Variants in PCCA observed in about 807,000 individuals in gnomAD.
The protein encoded by PCCA is propionyl-CoA carboxylase subunit alpha.
In PCCA, 74 loss-of-function variants were observed where a neutral mutation model predicts 101.3. The observed-to-expected ratio is 0.73, with a 90% CI of 0.61 to 0.89. The LOEUF (loss-of-function observed/expected upper bound fraction) is 0.89. PCCA is among the 40% of genes least tolerant of loss of function. The pLI is 0.00. For synonymous variants in PCCA, 294 were observed against 313.6 expected (o/e 0.94, Z 0.66); for missense variants, 891 against 907.0 (o/e 0.98, Z 0.23).
intron 16 of PCCA, among the ~76,000 whole-genome samples, chr13:100,319,205 G>GTAGAT (rs1424626627): frequency 1.3e-5 from 2 of 152,088 alleles, no homozygotes; most frequent in African/African-American, 2.4e-5. Flanking sequence ...TTGTAAATTT[G>GTAGAT]TTTGAGTTCT....
At chr13:100,145,290 G>A (rs1271054465) in intron 4 of PCCA, among the ~76,000 whole-genome samples, 1 of 152,138 alleles carries the variant, frequency 6.6e-6, no homozygotes, top group Non-Finnish European at 1.5e-5. Flanking sequence ...TCTGTCATGG[G>A]CGACTGTCCT....
rs181657253 is a variant in PCCA at position 100,234,036 on chromosome 13, G to A, written c.601-1806G>A. On this transcript the variant is annotated intron_variant, in intron 7 of 23. Transcript: ENST00000376285. The stretch of plus-strand genomic sequence containing the variant: ...CTCAAGTGATGAACTTTTTACAATA[G>A]CAGTTTATTTTCTCTCATCACGTTG... 1.6e-4 allele frequency among the ~76,000 whole-genome samples: 25 copies of A among 152,266 alleles called. No homozygotes were observed. In the East Asian group the frequency reaches 4.4e-3, roughly 27 times the overall value.
chr13:100,232,697 TC>T (rs1453648841), intron 7 of PCCA, among the ~76,000 whole-genome samples: 1 of 152,148 alleles, frequency 6.6e-6, no homozygotes, highest in Non-Finnish European at 1.5e-5. Context: ...GATGTCTTTA[TC>T]CTTAGGTTTA....
chr13:100,133,281 G>A (rs1357301727), intron 4 of PCCA, among the ~76,000 whole-genome samples: 1 of 152,116 alleles, frequency 6.6e-6, no homozygotes, highest in Non-Finnish European at 1.5e-5. Flanking sequence ...TGTTCTTTAT[G>A]TATTCCGAAT....
intron 16 of PCCA, among the ~76,000 whole-genome samples, chr13:100,324,568 C>T (rs997250293): frequency 1.3e-5 from 2 of 152,066 alleles, no homozygotes; most frequent in African/African-American, 4.8e-5. Flanking sequence ...ATAAAATTTA[C>T]ACAAATCTAT....
At chr13:100,325,664 G>A (rs1026293387) in intron 16 of PCCA, among the ~76,000 whole-genome samples, 2 of 152,160 alleles carry the variant, frequency 1.3e-5, no homozygotes, top group Non-Finnish European at 2.9e-5. Context: ...TTTATGATCT[G>A]CACTTATCTG....
chr13:100,477,624 G>T (rs921910550), intron 21 of PCCA, among the ~76,000 whole-genome samples: 1 of 152,186 alleles, frequency 6.6e-6, no homozygotes, highest in Admixed American at 6.5e-5. Context: ...AGAGAGTACT[G>T]TAGCAAGGAT....
chr13:100,505,148 C>T (rs576568853), intron 21 of PCCA, among the ~76,000 whole-genome samples: 19 of 152,272 alleles, frequency 1.2e-4, no homozygotes, highest in Non-Finnish European at 1.9e-4. Context: ...TAAAAAAGCC[C>T]ACCTCATATT....
At chr13:100,289,888 T>G (rs1173514232) in intron 12 of PCCA, among the ~76,000 whole-genome samples, 2 of 152,230 alleles carry the variant, frequency 1.3e-5, no homozygotes, top group Non-Finnish European at 2.9e-5. Flanking sequence ...TCTTCAGCTT[T>G]CTTTTTTGAG....
At chr13:100,430,041 C>T (rs1567123427) in intron 20 of PCCA, among the ~76,000 whole-genome samples, 1 of 151,946 alleles carries the variant, frequency 6.6e-6, no homozygotes, top group African/African-American at 2.4e-5. Context: ...TTTGGGAGGC[C>T]GAAGCAGGCA....
At chr13:100,097,184 A>G (rs1462369331) in intron 1 of PCCA, among the ~76,000 whole-genome samples, 1 of 152,208 alleles carries the variant, frequency 6.6e-6, no homozygotes, top group Non-Finnish European at 1.5e-5. Flanking sequence ...GTTTATATGC[A>G]GTCTCCAGAA....
At chr13:100,311,355 C>A (rs2066902970) in intron 16 of PCCA, among the ~76,000 whole-genome samples, 1 of 152,068 alleles carries the variant, frequency 6.6e-6, no homozygotes, top group East Asian at 1.9e-4. Flanking sequence ...TTATAAATTA[C>A]TGGTGAGGAT....
intron 21 of PCCA, among the ~76,000 whole-genome samples, chr13:100,501,008 G>C (rs1594029019): frequency 6.6e-6 from 1 of 152,110 alleles, no homozygotes; most frequent in Non-Finnish European, 1.5e-5. Flanking sequence ...CGGGTGTGGT[G>C]GTGGGTGCCT....
At chr13:100,249,166 A>T (rs188581370) in intron 8 of PCCA, among the ~76,000 whole-genome samples, 111 of 152,316 alleles carry the variant, frequency 7.3e-4, no homozygotes, top group African/African-American at 2.5e-3. Flanking sequence ...GTAAAAACTC[A>T]TTGCTAAACC....
intron 17 of PCCA, among the ~76,000 whole-genome samples, chr13:100,333,085 A>G (rs780706015): frequency 2.0e-5 from 3 of 152,134 alleles, no homozygotes; most frequent in Non-Finnish European, 2.9e-5. Flanking sequence ...ACACACTCCT[A>G]TATTTGCCAT....
Position 100,155,010 on chromosome 13 carries a change from G to C in PCCA, c.332G>C (p.Cys111Ser), listed in dbSNP as rs2053730853. 6.2e-7 allele frequency: 1 copy of C among 1,613,960 alleles called. No individual in the cohort carries two copies. Among genetic ancestry groups the C allele is most frequent in the Admixed American group, 1.7e-5 (1 of 59,998 alleles). ...VHVKMADEAV[C>S]VGPAPTSKSY... ...GTGAAAATGGCGGATGAGGCTGTCT[G>C]TGTTGGCCCAGCTCCCACCAGTAAA... The change falls in exon 5 of 24, where the codon TGT becomes TCT. Residue 111 changes from cysteine (C) to serine (S), a missense_variant. Transcript: ENST00000376285.
At chr13:100,119,709 C>T (rs537571191) in intron 4 of PCCA, among the ~76,000 whole-genome samples, 3 of 152,106 alleles carry the variant, frequency 2.0e-5, no homozygotes, top group Non-Finnish European at 2.9e-5. Flanking sequence ...TTTGAGCCTC[C>T]TGGCTTTAGA....
intron 4 of PCCA, among the ~76,000 whole-genome samples, chr13:100,135,783 T>C (rs1304716072): frequency 2.0e-5 from 3 of 152,164 alleles, no homozygotes; most frequent in Admixed American, 1.3e-4. Context: ...AAGTATGGTA[T>C]TAGCTGTGGG....
intron 6 of PCCA, among the ~76,000 whole-genome samples, chr13:100,187,688 T>TAA (rs2057400330): frequency 6.6e-6 from 1 of 152,168 alleles, no homozygotes. Context: ...GAAAAAAACT[T>TAA]ATTTTAAGTT....
Sources: gnomAD v4.1 joint callset for allele counts (sites outside exome capture counted in the v4.1 genomes callset) on GRCh38, gnomAD v4.1.1 for gene constraint, MANE v1.5 for transcripts, NCBI Gene and HGNC (gene_info 2026-07-23, HGNC 2026-07-21) for gene names.